Variants in PRKAG2 observed in about 807,000 individuals in gnomAD.
PRKAG2 encodes protein kinase AMP-activated non-catalytic subunit gamma 2.
In PRKAG2, 26 loss-of-function variants were observed where a neutral mutation model predicts 69.6. The observed-to-expected ratio is 0.37, with a 90% confidence interval of 0.27 to 0.52. The LOEUF (loss-of-function observed/expected upper bound fraction) is 0.52, where lower values mean the gene tolerates loss of function less well. Ranked by LOEUF, PRKAG2 falls within the 20% of genes least tolerant of loss-of-function variation. The pLI is 0.90. For synonymous variants in PRKAG2, 293 were observed against 285.0 expected (o/e 1.03, Z -0.28); for missense variants, 557 against 740.0 (o/e 0.75, Z 2.87).
At chr7:151,876,113 C>T (rs1006625289) in intron 1 of PRKAG2, among the ~76,000 whole-genome samples, 4 of 149,126 alleles carry the variant, frequency 2.7e-5, no homozygotes, top group East Asian at 2.0e-4. Context: ...CTCCAGCAGC[C>T]GAGCGCGGGC....
rs891437299 is a variant in PRKAG2, at chr7:151,863,371, A to G, written c.114+13136T>C. On this transcript the variant is annotated intron_variant, in intron 1 of 15. Transcript: ENST00000287878. ...AAGTTCACATCCCCTTCCCAGGGAC[A>G]GTGTGGGAGCCCTTTGCCTCAATCT... 5.9e-5 allele frequency among the ~76,000 whole-genome samples: 9 copies of G among 152,056 alleles called. No individual in the cohort carries two copies. The South Asian group carries it at 6.2e-4, about 11-fold the overall frequency.
At position 151,576,450 on chromosome 7, in the gene PRKAG2, A is replaced by C; in HGVS notation, c.867T>G (p.Val289=). The C allele has an allele frequency of 1.3e-6, 2 of 1,591,228 alleles. No individual in the cohort carries two copies. Among genetic ancestry groups the C allele is most frequent in the South Asian group, 1.1e-5 (1 of 90,552 alleles). ...KLVVFDTTLQ[V]KKAFFALVAN... ...CTACCAAAGCAAAGAAGGCCTTTTT[A>C]ACCTGAAGAAAAAGAGGAGAAACAA... Residue 289 remains valine, a splice_region_variant and synonymous_variant, in exon 7 of 16, where the codon GTT becomes GTG. Transcript: ENST00000287878.
In PRKAG2 at chr7:151,632,115, TC is replaced by T; in HGVS notation, c.707del (p.Gly236AspfsTer18). On this transcript the variant is annotated frameshift_variant, in exon 5 of 16. Transcript: ENST00000287878. LOFTEE classifies it high-confidence loss of function. The surrounding 1 kb of genome is among the most constrained non-coding windows in gnomAD (Gnocchi z 4.2). The part of the protein sequence containing the change: ...SKAAALAAAL[G>X]PAEAGMLEKL... ...TCTCCAGCATGCCGGCTTCCGCGGG[TC>T]CCAGGGCCGCCGCCAGCGCCGCCTG... 7.1e-7 allele frequency: 1 copy of T among 1,409,040 alleles called. No homozygotes were observed. Among genetic ancestry groups the T allele is most frequent in the Non-Finnish European group, 9.4e-7 (1 of 1,067,596 alleles). The allele number at this position is 1,409,040 out of a possible 1,614,324, so 87.3% of individuals were successfully genotyped here.
intron 3 of PRKAG2, chr7:151,736,125 G>A (rs1799756556): frequency 4.1e-6 from 6 of 1,480,464 alleles, no homozygotes; most frequent in Non-Finnish European, 5.4e-6. Context: ...AGCTCAGAGT[G>A]GCAGCCTGTG....
At chr7:151,855,159 C>G (rs796549569) in intron 1 of PRKAG2, among the ~76,000 whole-genome samples, 22 of 49,602 alleles carry the variant, frequency 4.4e-4, no homozygotes, top group South Asian at 1.9e-3. Context: ...CACACACCAT[C>G]CTCCACACAC....
intron 15 of PRKAG2, chr7:151,559,330 T>C: frequency 1.0e-6 from 1 of 985,002 alleles, no homozygotes; most frequent in Non-Finnish European, 1.2e-6. Flanking sequence ...TTTATGGCAT[T>C]AACATTCGTT....
chr7:151,650,156 A>G (rs1828245491), intron 4 of PRKAG2, among the ~76,000 whole-genome samples: 1 of 152,164 alleles, frequency 6.6e-6, no homozygotes, highest in South Asian at 2.1e-4. Context: ...TGGAGGCTGC[A>G]GTGAGCTGTG....
chr7:151,860,035 G>A (rs565815205), intron 1 of PRKAG2, among the ~76,000 whole-genome samples: 5 of 152,250 alleles, frequency 3.3e-5, no homozygotes, highest in East Asian at 3.9e-4. Context: ...GGAGGTGGCC[G>A]GGCACCTGGA....
At chr7:151,808,987 C>T (rs1468540926) in intron 1 of PRKAG2, among the ~76,000 whole-genome samples, 3 of 152,170 alleles carry the variant, frequency 2.0e-5, no homozygotes, top group African/African-American at 4.8e-5. Context: ...CCCCACTCCA[C>T]GGCCACCCTT....
intron 5 of PRKAG2, among the ~76,000 whole-genome samples, chr7:151,616,129 T>TGA (rs1231161549): frequency 6.6e-6 from 1 of 152,088 alleles, no homozygotes; most frequent in Non-Finnish European, 1.5e-5. Flanking sequence ...GGTGGGGGCG[T>TGA]GAAGCAAAGG....
intron 3 of PRKAG2, among the ~76,000 whole-genome samples, chr7:151,677,596 A>G (rs1833144473): frequency 6.6e-6 from 1 of 152,246 alleles, no homozygotes; most frequent in Non-Finnish European, 1.5e-5. Context: ...GTTAAATTAC[A>G]TGTAGCCTAG....
intron 1 of PRKAG2, among the ~76,000 whole-genome samples, chr7:151,799,224 T>G (rs1009786354): frequency 1.3e-5 from 2 of 152,218 alleles, no homozygotes; most frequent in African/African-American, 4.8e-5. Context: ...TTCAAGCAAG[T>G]TGCTCAGAGC....
intron 4 of PRKAG2, among the ~76,000 whole-genome samples, chr7:151,634,113 A>G (rs1825333239): frequency 6.6e-6 from 1 of 152,168 alleles, no homozygotes; most frequent in African/African-American, 2.4e-5. Flanking sequence ...ATTAAAGCAA[A>G]CTATATAGAT....
At chr7:151,815,796 C>G (rs2078623053) in intron 1 of PRKAG2, among the ~76,000 whole-genome samples, 1 of 152,168 alleles carries the variant, frequency 6.6e-6, no homozygotes, top group Non-Finnish European at 1.5e-5. Context: ...AAATGAGGGT[C>G]CCCATTTCAG....
At chr7:151,791,045 C>A (rs1334654036) in intron 1 of PRKAG2, among the ~76,000 whole-genome samples, 1 of 152,202 alleles carries the variant, frequency 6.6e-6, no homozygotes, top group Non-Finnish European at 1.5e-5. Flanking sequence ...ACATCGTGGC[C>A]TGCTGCGTGG....
At chr7:151,563,190 C>T (rs1042494656) in intron 14 of PRKAG2, among the ~76,000 whole-genome samples, 1 of 152,174 alleles carries the variant, frequency 6.6e-6, no homozygotes, top group Admixed American at 6.5e-5. Flanking sequence ...TGATACTGTA[C>T]ACCCTTCTCC....
At chr7:151,783,656 C>T (rs554196094) in intron 2 of PRKAG2, among the ~76,000 whole-genome samples, 2 of 152,146 alleles carry the variant, frequency 1.3e-5, no homozygotes, top group Non-Finnish European at 2.9e-5. Flanking sequence ...GGTGGTGTCT[C>T]ACACCTGTAA....
At chr7:151,674,632 G>C (rs975433402) in intron 4 of PRKAG2, among the ~76,000 whole-genome samples, 7 of 152,148 alleles carry the variant, frequency 4.6e-5, no homozygotes, top group African/African-American at 1.7e-4. Flanking sequence ...GGAAGTGCTG[G>C]AGGCTGCACA....
At position 151,807,500 on chromosome 7, in the gene PRKAG2, C is replaced by T; in HGVS notation, c.115-20959G>A. The T allele has an allele frequency of 2.2e-6, 1 of 457,880 alleles. No individual in the cohort carries two copies. Among genetic ancestry groups the T allele is most frequent in the Non-Finnish European group, 4.4e-6 (1 of 226,980 alleles). 28.4% of individuals were successfully genotyped at this position (457,880 alleles called of 1,614,324 possible). ...GGCGTGTTACACCTATCAGATCGGG[C>T]ACACTGCCCCTTCTTCCCAACCTAC... On this transcript the variant is annotated intron_variant, in intron 1 of 15. Coordinates refer to ENST00000287878, the MANE Select transcript of PRKAG2 (RefSeq NM_016203.4). This position sits in a 1 kb window ranked among gnomAD's most constrained non-coding sequence, Gnocchi z 4.4.
Sources: gnomAD v4.1 joint callset for allele counts (sites outside exome capture counted in the v4.1 genomes callset) on GRCh38, gnomAD v4.1.1 for gene constraint, Gnocchi (gnomAD v3.1) non-coding constraint, MANE v1.5 for transcripts, NCBI Gene and HGNC (gene_info 2026-07-23, HGNC 2026-07-21) for gene names.